The following PCDH15 variants were observed in gnomAD, a reference collection of about 807,000 sequenced individuals.
PCDH15 encodes protocadherin related 15.
Under a neutral mutation model 178.5 loss-of-function variants are expected in PCDH15, and 129 were observed. The ratio of observed to expected loss-of-function variants is 0.72; its 90% CI spans 0.63 to 0.84. PCDH15 has a LOEUF of 0.84. Ranked by LOEUF, PCDH15 falls within the 40% of genes least tolerant of loss-of-function variation. The pLI, the probability that PCDH15 is intolerant of heterozygous loss-of-function variation, is 0.00. For synonymous variants in PCDH15, 800 were observed against 732.0 expected, an observed-to-expected ratio of 1.09 and a Z score of -1.50; for missense variants, 2,230 against 2,099.9, an observed-to-expected ratio of 1.06 and a Z score of -1.21.
At chr10:55,092,695 G>A (rs1038599502) in intron 2 of PCDH15, among the ~76,000 whole-genome samples, 1 of 151,548 alleles carries the variant, frequency 6.6e-6, no homozygotes, top group Non-Finnish European at 1.5e-5. Flanking sequence ...CTTACACCAA[G>A]AACTGTTTTA....
At chr10:53,823,227 C>T (rs2076426078) in intron 32 of PCDH15, 2 of 1,614,006 alleles carry the variant, frequency 1.2e-6, no homozygotes, top group East Asian at 4.5e-5. Context: ...CTTAAGTGAT[C>T]CGTCTACATG....
intron 1 of PCDH15, among the ~76,000 whole-genome samples, chr10:55,267,316 T>G (rs1343123374): frequency 6.6e-6 from 1 of 152,192 alleles, no homozygotes; most frequent in African/African-American, 2.4e-5. Context: ...GATGAATCCT[T>G]AGATGTGTCA....
At chr10:55,341,807 T>TA (rs1844603122) in intron 2 of PCDH15, among the ~76,000 whole-genome samples, 4 of 13,986 alleles carry the variant, frequency 2.9e-4, no homozygotes, top group East Asian at 1.1e-3. Context: ...ATATATATAT[T>TA]TTTTTTTTTT....
intron 8 of PCDH15, among the ~76,000 whole-genome samples, chr10:54,267,958 C>G (rs1388333810): frequency 1.3e-5 from 2 of 151,796 alleles, no homozygotes; most frequent in Non-Finnish European, 2.9e-5. Flanking sequence ...TAAAAAAGAG[C>G]CTGAATAGCC....
intron 21 of PCDH15, among the ~76,000 whole-genome samples, chr10:53,973,321 T>A (rs1168394164): frequency 1.4e-5 from 2 of 147,994 alleles, no homozygotes; most frequent in African/African-American, 4.9e-5. Flanking sequence ...GGGATAGCAT[T>A]AGGAGATATA....
intron 2 of PCDH15, among the ~76,000 whole-genome samples, chr10:55,440,791 AATGGACTCAC>A (rs1285266411): frequency 6.6e-6 from 1 of 152,188 alleles, no homozygotes; most frequent in Non-Finnish European, 1.5e-5. Context: ...AAAGTGGTTT[AATGGACTCAC>A]AGTACCAAGC....
chr10:55,325,251 T>C (rs887812086), intron 2 of PCDH15, among the ~76,000 whole-genome samples: 2 of 151,672 alleles, frequency 1.3e-5, no homozygotes, highest in African/African-American at 4.8e-5. Context: ...CAAAAAAAGC[T>C]CAAATAGCTT....
At chr10:55,516,792 A>G (rs1392084624) in intron 2 of PCDH15, among the ~76,000 whole-genome samples, 1 of 152,114 alleles carries the variant, frequency 6.6e-6, no homozygotes. Context: ...AATTTAATAC[A>G]ATCAAATAGA....
chr10:55,029,895 A>G (rs1437135674), intron 2 of PCDH15, among the ~76,000 whole-genome samples: 1 of 152,178 alleles, frequency 6.6e-6, no homozygotes, highest in East Asian at 1.9e-4. Context: ...AAGACAGCCA[A>G]TAGTGATGAA....
At chr10:55,182,765 T>C (rs528081762) in intron 1 of PCDH15, among the ~76,000 whole-genome samples, 56 of 152,104 alleles carry the variant, frequency 3.7e-4, no homozygotes, top group Non-Finnish European at 5.7e-4. Context: ...TGGGATTTCA[T>C]TGGGAGGAAA....
chr10:55,024,478 C>G lies in PCDH15; in HGVS notation c.-79-126978G>C, dbSNP rs137909717. ...ATACACACACATATATATATACACA[C>G]ACACATATATAATCTTTTTCTGATT... On this transcript the variant is annotated intron_variant, in intron 2 of 5. Transcript: ENST00000458638. Among the ~76,000 whole-genome samples, 1,129 of 150,242 alleles carry G rather than the reference C, an allele frequency of 7.5e-3. 8 individuals are homozygous for G. Among genetic ancestry groups the G allele is most frequent in the Non-Finnish European group, 0.012 (793 of 67,616 alleles).
At chr10:55,025,293 T>C (rs1282063197) in intron 2 of PCDH15, among the ~76,000 whole-genome samples, 1 of 152,172 alleles carries the variant, frequency 6.6e-6, no homozygotes, top group African/African-American at 2.4e-5. Flanking sequence ...TTGATCTGGC[T>C]CATGAGATTT....
chr10:54,827,634 C>A (rs1201198231), intron 3 of PCDH15, among the ~76,000 whole-genome samples: 1 of 152,076 alleles, frequency 6.6e-6, no homozygotes, highest in Non-Finnish European at 1.5e-5. Flanking sequence ...TGATTTTCAA[C>A]ATAGAAGATC....
At chr10:54,991,766 G>T (rs1289195270) in intron 2 of PCDH15, among the ~76,000 whole-genome samples, 2 of 152,080 alleles carry the variant, frequency 1.3e-5, no homozygotes, top group East Asian at 1.9e-4. Context: ...TTTATCAGTG[G>T]AGCTGAAAAT....
At chr10:53,902,073 G>A (rs901262646) in intron 26 of PCDH15, among the ~76,000 whole-genome samples, 8 of 152,062 alleles carry the variant, frequency 5.3e-5, no homozygotes, top group Non-Finnish European at 1.2e-4. Context: ...CTAAATGATA[G>A]AACTAAATCA....
intron 3 of PCDH15, among the ~76,000 whole-genome samples, chr10:54,451,513 G>T (rs1365843643): frequency 4.0e-5 from 6 of 151,852 alleles, no homozygotes; most frequent in Admixed American, 3.3e-4. Context: ...AAATTATTTT[G>T]TCATTTTCTC....
At chr10:54,480,911 A>C (rs1269086075) in intron 3 of PCDH15, among the ~76,000 whole-genome samples, 1 of 151,952 alleles carries the variant, frequency 6.6e-6, no homozygotes, top group Non-Finnish European at 1.5e-5. Flanking sequence ...GATATAAGAC[A>C]GTGATTTTCA....
intron 25 of PCDH15, among the ~76,000 whole-genome samples, chr10:53,917,888 T>G (rs2133845556): frequency 6.6e-6 from 1 of 152,112 alleles, no homozygotes; most frequent in Admixed American, 6.5e-5. Context: ...GAGATCTAGA[T>G]ATTGAAAAGT....
chr10:53,992,219 G>T (rs1018368342), intron 21 of PCDH15, among the ~76,000 whole-genome samples: 17 of 152,104 alleles, frequency 1.1e-4, no homozygotes, highest in Admixed American at 6.5e-5. Flanking sequence ...CACTGTTGAA[G>T]CCAGCAAGAC....
Sources: gnomAD v4.1 joint callset for allele counts (sites outside exome capture counted in the v4.1 genomes callset) on GRCh38, gnomAD v4.1.1 for gene constraint, MANE v1.5 for transcripts, NCBI Gene and HGNC (gene_info 2026-07-23, HGNC 2026-07-21) for gene names.